The following SCAI variants were observed in gnomAD, a reference collection of about 807,000 sequenced individuals.
SCAI encodes suppressor of cancer cell invasion, also known as protein SCAI.
In SCAI, 24 loss-of-function variants were observed where a neutral mutation model predicts 92.2. The observed-to-expected ratio is 0.26, with a 90% CI of 0.19 to 0.37. The LOEUF (loss-of-function observed/expected upper bound fraction) is 0.37, where lower values mean the gene tolerates loss of function less well. SCAI is among the 10% of genes least tolerant of loss of function. The pLI is 1.00. For synonymous variants in SCAI, 261 were observed against 258.6 expected, an observed-to-expected ratio of 1.01 and a Z score of -0.09; for missense variants, 450 against 736.2, an observed-to-expected ratio of 0.61 and a Z score of 4.50.
chr9:125,003,366 ATTCTTT>A, intron 10 of SCAI, 97 bp downstream of exon 10: 1 of 1,018,174 alleles, frequency 9.8e-7, no homozygotes, highest in Non-Finnish European at 1.5e-6. Context: ...CATCAAGTGA[ATTCTTT>A]ATTCAAGGCT....
chr9:125,118,397 A>G (rs1766455468), intron 2 of SCAI, among the ~76,000 whole-genome samples: 1 of 152,154 alleles, frequency 6.6e-6, no homozygotes, highest in Non-Finnish European at 1.5e-5. Context: ...ATGCACCTGT[A>G]GTCCCAGCTA....
chr9:125,133,489 A>G (rs944167009), intron 2 of SCAI, among the ~76,000 whole-genome samples: 1 of 152,250 alleles, frequency 6.6e-6, no homozygotes, highest in Non-Finnish European at 1.5e-5. Flanking sequence ...ACAAAAAGTG[A>G]GCAAAAGATT....
intron 2 of SCAI, among the ~76,000 whole-genome samples, chr9:125,140,307 C>T (rs1043560483): frequency 6.6e-6 from 1 of 152,108 alleles, no homozygotes; most frequent in Non-Finnish European, 1.5e-5. Context: ...TCAGACAGAG[C>T]ACTTGAGGCC....
intron 17 of SCAI, among the ~76,000 whole-genome samples, chr9:124,955,107 G>A (rs1377623930): frequency 2.0e-5 from 3 of 151,136 alleles, no homozygotes; most frequent in Non-Finnish European, 2.9e-5. Context: ...GGCGGAGGTT[G>A]CAGTGAGCCA....
chr9:125,009,959 C>T (rs1348343519), intron 9 of SCAI, among the ~76,000 whole-genome samples: 1 of 152,086 alleles, frequency 6.6e-6, no homozygotes, highest in Non-Finnish European at 1.5e-5. Context: ...CTTTGGGAGG[C>T]CAAGGTGCGC....
rs1564374513 is a variant in SCAI, at chr9:125,004,754, TATATATATATATATATA to T, written c.862-1201_862-1185del. Among the ~76,000 whole-genome samples, 29 of 10,960 alleles carry T rather than the reference TATATATATATATATATA, an allele frequency of 2.6e-3. 2 individuals carry two copies. The highest frequency in any genetic ancestry group is 6.1e-3 in the South Asian group (2 of 328). The allele number at this position is 10,960 out of a possible 152,430, so 7.2% of individuals were successfully genotyped here. ...TGATCCATATATATATATATATATATATATATATATATATATATATATATATTTTTTTTTTTTTTTTT... is the reference window on the plus strand; with the variant it reads ...TGATCCATATATATATATATATATATTATATATATTTTTTTTTTTTTTTTT... On this transcript the variant is annotated intron_variant, in intron 9 of 17. Coordinates refer to ENST00000336505, the MANE Select transcript of SCAI (RefSeq NM_001144877.3).
chr9:124,978,844 T>A (rs1831814477), intron 14 of SCAI, among the ~76,000 whole-genome samples: 1 of 151,914 alleles, frequency 6.6e-6, no homozygotes, highest in Non-Finnish European at 1.5e-5. Context: ...TATGAACAGG[T>A]ATGAAGGGTC....
intron 2 of SCAI, among the ~76,000 whole-genome samples, chr9:125,137,912 C>T (rs1196712112): frequency 6.6e-6 from 1 of 152,052 alleles, no homozygotes; most frequent in African/African-American, 2.4e-5. Flanking sequence ...AAGAAGCAAT[C>T]TTTAAAAACT....
chr9:125,080,440 T>C (rs1381960554), intron 2 of SCAI, among the ~76,000 whole-genome samples: 1 of 152,128 alleles, frequency 6.6e-6, no homozygotes, highest in Non-Finnish European at 1.5e-5. Flanking sequence ...CCTTAAAACA[T>C]AAGTAAACGT....
At chr9:125,058,116 CT>C in intron 2 of SCAI, among the ~76,000 whole-genome samples, 1 of 148,242 alleles carries the variant, frequency 6.7e-6, no homozygotes, top group East Asian at 2.0e-4. Flanking sequence ...AAAAAAAATT[CT>C]TTTTTAAAAA....
intron 3 of SCAI, among the ~76,000 whole-genome samples, chr9:125,030,221 C>T (rs769636945): frequency 1.3e-5 from 2 of 152,198 alleles, no homozygotes; most frequent in African/African-American, 2.4e-5. Flanking sequence ...ACTTATAGTA[C>T]AGTCTTTGAG....
intron 2 of SCAI, among the ~76,000 whole-genome samples, chr9:125,117,201 T>C (rs935205171): frequency 2.6e-5 from 4 of 152,244 alleles, no homozygotes; most frequent in African/African-American, 4.8e-5. Flanking sequence ...AAATCTTGCA[T>C]ATAAGACACA....
intron 2 of SCAI, among the ~76,000 whole-genome samples, chr9:125,075,902 T>C (rs1199886315): frequency 6.6e-6 from 1 of 152,068 alleles, no homozygotes; most frequent in Non-Finnish European, 1.5e-5. Context: ...TTCACCACGT[T>C]GGCCAGGCTG....
intron 5 of SCAI, 112 bp from the exon 6 acceptor site, chr9:125,027,022 G>A (rs1446237734): frequency 4.2e-6 from 2 of 473,572 alleles, no homozygotes; most frequent in Non-Finnish European, 7.4e-6. Context: ...GCGGGGGTGG[G>A]AATGACTGTC....
chr9:125,115,593 A>G (rs72765285), intron 2 of SCAI, among the ~76,000 whole-genome samples: 14,084 of 152,178 alleles, frequency 0.093, 859 homozygotes, highest in Non-Finnish European at 0.13. Context: ...TGTTGAATGA[A>G]TAAAGCAAAC....
At chr9:125,135,084 C>A (rs549974560) in intron 2 of SCAI, among the ~76,000 whole-genome samples, 2 of 152,280 alleles carry the variant, frequency 1.3e-5, no homozygotes, top group African/African-American at 4.8e-5. Context: ...ACTCCTCTTG[C>A]CACCAATTCA....
Position 124,942,829 on chromosome 9 carries a change from C to T in SCAI, c.*9978G>A, listed in dbSNP as rs1831079950. ...ATCAAAACAACGTTTCAGTTTTCAT[C>T]CTCTAGTACTGAAGTGCCCTCAAGG... On this transcript the variant is annotated 3_prime_UTR_variant, in exon 18 of 18. Coordinates refer to ENST00000336505, the MANE Select transcript of SCAI (RefSeq NM_001144877.3). 2 of 152,172 alleles carry T rather than the reference C, an allele frequency of 1.3e-5. No homozygotes were observed. The highest frequency in any genetic ancestry group is 1.3e-4 in the Admixed American group (2 of 15,280). 9.4% of individuals were successfully genotyped at this position (152,172 alleles called of 1,614,324 possible). A position where few individuals can be genotyped will look rare whatever the true frequency, so the allele number is the denominator to read the frequency against.
chr9:125,090,393 A>AGAGGAAGGAGGATGAT (rs1484900902), intron 2 of SCAI, among the ~76,000 whole-genome samples: 18 of 151,596 alleles, frequency 1.2e-4, no homozygotes, highest in Non-Finnish European at 2.1e-4. Flanking sequence ...GAGATGAGGA[A>AGAGGAAGGAGGATGAT]GAGGAAGGAG....
At chr9:124,991,065 A>G (rs531629788) in intron 14 of SCAI, among the ~76,000 whole-genome samples, 29 of 152,312 alleles carry the variant, frequency 1.9e-4, no homozygotes, top group African/African-American at 7.0e-4. Flanking sequence ...ATAAACATTA[A>G]CAAGTGGCCA....
Sources: gnomAD v4.1 joint callset for allele counts (sites outside exome capture counted in the v4.1 genomes callset) on GRCh38, gnomAD v4.1.1 for gene constraint, MANE v1.5 for transcripts, NCBI Gene and HGNC (gene_info 2026-07-23, HGNC 2026-07-21) for gene names.